Variants in SYNPO2 observed in about 807,000 individuals in gnomAD.
SYNPO2 encodes the protein synaptopodin 2, also known as synaptopodin-2.
A neutral mutation model predicts 85.0 loss-of-function variants in SYNPO2; 56 were observed. That is an observed-to-expected ratio of 0.66 (90% confidence interval 0.53 to 0.82). The LOEUF (loss-of-function observed/expected upper bound fraction) is 0.82, where lower values mean the gene tolerates loss of function less well. Among genes scored for constraint, SYNPO2 ranks in the 40% least tolerant of loss-of-function variants. SYNPO2 has a pLI of 0.00. For missense variants in SYNPO2, 1,575 were observed against 1,534.2 expected (o/e 1.03, Z -0.44); for synonymous variants, 602 against 591.1 (o/e 1.02, Z -0.27).
At chr4:118,981,668 C>T (rs1194262574) in intron 1 of SYNPO2, among the ~76,000 whole-genome samples, 1 of 152,134 alleles carries the variant, frequency 6.6e-6, no homozygotes, top group Non-Finnish European at 1.5e-5. Context: ...GGGGCCAGTT[C>T]AACTCATAGC....
chr4:119,024,572 A>G (rs988676011), intron 2 of SYNPO2, among the ~76,000 whole-genome samples: 5 of 152,222 alleles, frequency 3.3e-5, no homozygotes, highest in African/African-American at 1.2e-4. Context: ...TATAATCTAA[A>G]TATTTACCCA....
intron 1 of SYNPO2, among the ~76,000 whole-genome samples, chr4:118,955,638 A>G (rs1734849021): frequency 6.6e-6 from 1 of 152,202 alleles, no homozygotes; most frequent in Non-Finnish European, 1.5e-5. Flanking sequence ...GCATTATTAT[A>G]GGAGATAGTG....
chr4:119,022,616 G>T (rs1029514347), intron 1 of SYNPO2, among the ~76,000 whole-genome samples: 2 of 140,588 alleles, frequency 1.4e-5, no homozygotes, highest in East Asian at 4.4e-4. Context: ...TCAGCTTCCC[G>T]AAGTGCTGGG....
chr4:119,054,600 G>A lies in SYNPO2; in HGVS notation c.3253-2801G>A, dbSNP rs532513365. On this transcript the variant is annotated intron_variant, in intron 4 of 4. Coordinates refer to ENST00000307142, the MANE Select transcript of SYNPO2 (RefSeq NM_133477.3). ...AGTCCAGCTGTCTCTCTGAAGTCTG[G>A]CCGTCTCCTCTAAGGTCCGGCCATC... Among the ~76,000 whole-genome samples the A allele has an allele frequency of 2.4e-4, 36 of 152,150 alleles. No individual in the cohort carries two copies. The East Asian group carries it at 6.6e-3, about 28-fold the overall frequency.
At chr4:118,871,607 C>G (rs964731450) in intron 1 of SYNPO2, among the ~76,000 whole-genome samples, 12 of 146,476 alleles carry the variant, frequency 8.2e-5, no homozygotes, top group Non-Finnish European at 1.6e-4. Context: ...CTTGCTCTGT[C>G]ACCCAGGCTG....
chr4:118,909,199 A>G (rs1733049738), intron 1 of SYNPO2, among the ~76,000 whole-genome samples: 1 of 152,236 alleles, frequency 6.6e-6, no homozygotes, highest in African/African-American at 2.4e-5. Context: ...AGGGATGCCT[A>G]GTATAGAGGA....
upstream of SYNPO2, among the ~76,000 whole-genome samples, chr4:118,886,654 C>T (rs34788742): frequency 0.26 from 39,519 of 152,130 alleles, 5,923 homozygotes; most frequent in Non-Finnish European, 0.34. Flanking sequence ...CAGTCTATCA[C>T]TGATGGACAT....
intron 4 of SYNPO2, among the ~76,000 whole-genome samples, chr4:119,052,350 G>T (rs2149200858): frequency 6.6e-6 from 1 of 152,214 alleles, no homozygotes; most frequent in East Asian, 1.9e-4. Flanking sequence ...GGAGCATATA[G>T]GATGAGTCCA....
At chr4:118,868,043 T>C (rs532763968) in intron 1 of SYNPO2, among the ~76,000 whole-genome samples, 131 of 139,586 alleles carry the variant, frequency 9.4e-4, no homozygotes, top group African/African-American at 3.4e-3. Context: ...TCCCCTCCTT[T>C]CATTTAAAAA....
At chr4:118,879,240 A>C (rs949149932) in intron 1 of SYNPO2, among the ~76,000 whole-genome samples, 2 of 152,356 alleles carry the variant, frequency 1.3e-5, no homozygotes, top group South Asian at 4.1e-4. Context: ...TGTTGAAGTC[A>C]GGGAGACCAT....
intron 4 of SYNPO2, chr4:119,032,379 A>G (rs1738314558): frequency 1.7e-6 from 2 of 1,198,508 alleles, no homozygotes; most frequent in Non-Finnish European, 1.0e-6. Flanking sequence ...ATCAAACATC[A>G]GGAATCAGCC....
chr4:118,927,229 A>G (rs978006062), intron 1 of SYNPO2, among the ~76,000 whole-genome samples: 2 of 152,000 alleles, frequency 1.3e-5, no homozygotes, highest in Non-Finnish European at 2.9e-5. Context: ...GGCAAGATGA[A>G]ATTTCTGCCA....
At chr4:119,049,870 G>A (rs1044250910) in intron 4 of SYNPO2, among the ~76,000 whole-genome samples, 6 of 152,148 alleles carry the variant, frequency 3.9e-5, no homozygotes, top group Non-Finnish European at 5.9e-5. Context: ...ATCTAAATGC[G>A]ATGCACTGTA....
At chr4:118,998,056 G>A (rs374119164) in intron 1 of SYNPO2, among the ~76,000 whole-genome samples, 5 of 152,194 alleles carry the variant, frequency 3.3e-5, no homozygotes, top group African/African-American at 9.7e-5. Context: ...GGATTCTGAC[G>A]GGGGTGGTAA....
In SYNPO2 at chr4:118,962,174, A is replaced by G. The variant is rs115698754; in HGVS notation, c.106-61256A>G. On this transcript the variant is annotated intron_variant, in intron 1 of 4. Transcript: ENST00000307142. ...TTCCTGAGAGCAGATGAGCTCACTG[A>G]GGGACTGCTTTTTGAAAAGGAGCTG... Among the ~76,000 whole-genome samples, 1,122 of 152,312 alleles carry G rather than the reference A, an allele frequency of 7.4e-3. 6 individuals are homozygous for G. Among genetic ancestry groups the G allele is most frequent in the Non-Finnish European group, 0.013 (853 of 68,020 alleles).
chr4:118,983,836 A>G (rs780728681), intron 1 of SYNPO2, among the ~76,000 whole-genome samples: 1 of 152,156 alleles, frequency 6.6e-6, no homozygotes, highest in Non-Finnish European at 1.5e-5. Context: ...GTCCTATATC[A>G]TAGGCAAACA....
rs902775423 is a variant in SYNPO2 at position 119,026,938 on chromosome 4, C to G, written c.569C>G (p.Ala190Gly). 6.2e-7 allele frequency: 1 copy of G among 1,614,032 alleles called. No homozygotes were observed. Reference protein sequence around the residue: ...EELILREKVEAVQPGPVVELQ... With the variant: ...EELILREKVEGVQPGPVVELQ... ...CTGATCTTAAGGGAGAAGGTAGAAG[C>G]GGTACAGCCTGGGCCTGTGGTTGAG... Residue 190 changes from alanine to glycine, a missense_variant, in exon 3 of 5, where the codon GCG becomes GGG. Physicochemically the swap from Ala to Gly is moderately conservative, Grantham distance 60. This residue lies in a region of SYNPO2 where 1,508 missense variants were observed against 1,446.8 expected (regional missense o/e 1.04). Transcript: ENST00000307142.
At chr4:118,879,223 G>A (rs1732010901) in intron 1 of SYNPO2, among the ~76,000 whole-genome samples, 1 of 152,180 alleles carries the variant, frequency 6.6e-6, no homozygotes, top group South Asian at 2.1e-4. Flanking sequence ...AGGGTCCGTG[G>A]CTTCATTGTT....
intron 1 of SYNPO2, among the ~76,000 whole-genome samples, chr4:119,003,365 C>A (rs149510139): frequency 0.023 from 3,435 of 152,260 alleles, 133 homozygotes; most frequent in African/African-American, 0.078. Context: ...CCCCCATGAT[C>A]CAATCACCTC....
Sources: allele counts gnomAD v4.1 joint callset (sites outside exome capture counted in the v4.1 genomes callset), GRCh38; gene constraint gnomAD v4.1.1; regional missense constraint gnomAD v4.1.1; transcripts MANE v1.5; gene names NCBI Gene and HGNC (gene_info 2026-07-23, HGNC 2026-07-21).